Variants in ZNF697 observed in about 807,000 individuals in gnomAD.
The protein encoded by ZNF697 is zinc finger protein 697.
ZNF697 carries 23 observed loss-of-function variants against 32.4 expected under a neutral mutation model. That is an observed-to-expected ratio of 0.71 (90% CI 0.51 to 1.01). The LOEUF is 1.01. Ranked by LOEUF, ZNF697 falls within the 50% of genes least tolerant of loss-of-function variation. The pLI is 0.00. For synonymous variants in ZNF697, 418 were observed against 337.2 expected, an observed-to-expected ratio of 1.24 and a Z score of -2.62; for missense variants, 930 against 794.0, an observed-to-expected ratio of 1.17 and a Z score of -2.06.
chr1:119,630,763 G>GGGACTTT (rs1648738111), intron 1 of ZNF697, among the ~76,000 whole-genome samples: 1 of 152,174 alleles, frequency 6.6e-6, no homozygotes, highest in Non-Finnish European at 1.5e-5. Context: ...TTGGGAGGCT[G>GGGACTTT]AGGCAGGAGG....
In ZNF697 at chr1:119,623,712, GAAT is replaced by G; in HGVS notation, c.628_630del (p.Ile210del). On this transcript the variant is annotated inframe_deletion, in exon 3 of 3. Transcript: ENST00000421812. Reference sequence around the variant, plus strand: ...GCGGCAGCGGCCTCAGCCAGGCGGTGAATGCGCTGGTGCTGCAGGAAGGCGGCG... The same window carrying G: ...GCGGCAGCGGCCTCAGCCAGGCGGTGGCGCTGGTGCTGCAGGAAGGCGGCG... 1 of 1,524,202 alleles carries G rather than the reference GAAT, an allele frequency of 6.6e-7. No homozygotes were observed. The highest frequency in any genetic ancestry group is 8.8e-7 in the Non-Finnish European group (1 of 1,136,216). The allele number at this position is 1,524,202 out of a possible 1,614,324, so 94.4% of individuals were successfully genotyped here. A position where few individuals can be genotyped will look rare whatever the true frequency, so the allele number is the denominator to read the frequency against.
Position 119,623,265 on chromosome 1 carries a change from T to G in ZNF697, c.1078A>C (p.Lys360Gln), listed in dbSNP as rs1184933362. The G allele has an allele frequency of 6.5e-7, 1 of 1,532,726 alleles. No individual in the cohort carries two copies. Among genetic ancestry groups the G allele is most frequent in the Non-Finnish European group, 8.7e-7 (1 of 1,143,128 alleles). The allele number at this position is 1,532,726 out of a possible 1,614,324, so 94.9% of individuals were successfully genotyped here. A position where few individuals can be genotyped will look rare whatever the true frequency, so the allele number is the denominator to read the frequency against. The change falls in exon 3 of 3, where the codon AAG becomes CAG. Residue 360 changes from lysine (K) to glutamine (Q), a missense_variant. Physicochemically the swap from Lys to Gln is moderately conservative, Grantham distance 53. Coordinates refer to ENST00000421812, the MANE Select transcript of ZNF697 (RefSeq NM_001080470.2). ...AGGTGCGAACGGCGCACGAAGCCCT[T>G]GCCGCACTCCCCGCAGGCGAAGGGC... ...LRPFACGECG[K>Q]GFVRRSHLAN...
At chr1:119,645,080 A>G (rs749021744) in intron 1 of ZNF697, among the ~76,000 whole-genome samples, 41 of 152,230 alleles carry the variant, frequency 2.7e-4, no homozygotes, top group Non-Finnish European at 5.9e-4. Flanking sequence ...AGAGTTTAAA[A>G]TGTAGGCTGG....
intron 1 of ZNF697, among the ~76,000 whole-genome samples, chr1:119,635,396 A>C (rs1207743333): frequency 6.6e-6 from 1 of 152,220 alleles, no homozygotes; most frequent in Non-Finnish European, 1.5e-5. Context: ...AATGAGATAA[A>C]GGAATAGCTG....
chr1:119,639,658 C>G (rs1007644632), intron 1 of ZNF697, among the ~76,000 whole-genome samples: 1 of 150,696 alleles, frequency 6.6e-6, no homozygotes, highest in African/African-American at 2.4e-5. Context: ...GCCAGTGGAT[C>G]GCTTAAGCTC....
At chr1:119,624,607 A>T (rs974082797) in intron 2 of ZNF697, among the ~76,000 whole-genome samples, 1 of 152,032 alleles carries the variant, frequency 6.6e-6, no homozygotes, top group Non-Finnish European at 1.5e-5. Context: ...TTCTCTTTTT[A>T]TTTTTGAGAC....
chr1:119,631,519 C>G (rs1331017213), intron 1 of ZNF697, among the ~76,000 whole-genome samples: 2 of 152,236 alleles, frequency 1.3e-5, no homozygotes, highest in Non-Finnish European at 2.9e-5. Context: ...AGCGAAGCAG[C>G]GCGGGCCGCA....
chr1:119,625,845 C>T (rs760380584), intron 2 of ZNF697, 30 bp downstream of exon 2: 1 of 1,610,294 alleles, frequency 6.2e-7, no homozygotes, highest in South Asian at 1.1e-5. Context: ...ACTTTGGCAA[C>T]TTGCATAGAA....
rs1420355553 is a variant in ZNF697, at chr1:119,621,445, G to C, written c.*1260C>G. The C allele has an allele frequency of 1.3e-5, 2 of 152,576 alleles. No homozygotes were observed. The highest frequency in any genetic ancestry group is 4.8e-5 in the African/African-American group (2 of 41,416). 9.5% of individuals were successfully genotyped at this position (152,576 alleles called of 1,614,324 possible). ...TTGCAAATATCAAAGTGCTATTTTG[G>C]CATCTATATAACAACCAGAAAACAT... is the stretch of plus-strand genomic sequence containing the variant. On this transcript the variant is annotated 3_prime_UTR_variant, in exon 3 of 3. Coordinates refer to ENST00000421812, the MANE Select transcript of ZNF697 (RefSeq NM_001080470.2).
chr1:119,633,447 A>C (rs1648841257), intron 1 of ZNF697, among the ~76,000 whole-genome samples: 1 of 151,814 alleles, frequency 6.6e-6, no homozygotes, highest in Non-Finnish European at 1.5e-5. Context: ...GGCTCATGCC[A>C]TTATGGGGTC....
intron 1 of ZNF697, among the ~76,000 whole-genome samples, chr1:119,638,925 G>A (rs587636324): frequency 2.0e-5 from 3 of 152,244 alleles, no homozygotes; most frequent in South Asian, 4.1e-4. Flanking sequence ...ACTGACATAT[G>A]GTGTGCCCCG....
intron 1 of ZNF697, among the ~76,000 whole-genome samples, chr1:119,626,402 T>C (rs1490533748): frequency 6.6e-6 from 1 of 152,184 alleles, no homozygotes; most frequent in Non-Finnish European, 1.5e-5. Context: ...GATATGGATG[T>C]CTATTAGTGT....
chr1:119,623,699 T>G lies in ZNF697; in HGVS notation c.644A>C (p.Glu215Ala). 1 of 1,482,988 alleles carries G rather than the reference T, an allele frequency of 6.7e-7. No homozygotes were observed. The highest frequency in any genetic ancestry group is 9.0e-7 in the Non-Finnish European group (1 of 1,113,070). The allele number at this position is 1,482,988 out of a possible 1,614,324, so 91.9% of individuals were successfully genotyped here. A position where few individuals can be genotyped will look rare whatever the true frequency, so the allele number is the denominator to read the frequency against. ...CTCCAGGCTGGCGGCGGCAGCGGCC[T>G]CAGCCAGGCGGTGAATGCGCTGGTG... ...LQHQRIHRLA[E>A]AAAAASLEPF... The change falls in exon 3 of 3, where the codon GAG becomes GCG. Residue 215 changes from glutamate to alanine, a missense_variant. Physicochemically the swap from Glu to Ala is moderately radical, Grantham distance 107. Coordinates refer to ENST00000421812, the MANE Select transcript of ZNF697 (RefSeq NM_001080470.2).
chr1:119,627,898 T>G (rs1648642380), intron 1 of ZNF697, among the ~76,000 whole-genome samples: 1 of 152,134 alleles, frequency 6.6e-6, no homozygotes, highest in Non-Finnish European at 1.5e-5. Context: ...TGACCCCAAA[T>G]CACTTCTGCC....
intron 1 of ZNF697, among the ~76,000 whole-genome samples, chr1:119,628,945 T>C (rs1172821183): frequency 6.6e-6 from 1 of 152,240 alleles, no homozygotes; most frequent in Non-Finnish European, 1.5e-5. Context: ...AACTTCTCAG[T>C]CACTTTGGGG....
At chr1:119,634,859 T>C (rs1296373851) in intron 1 of ZNF697, among the ~76,000 whole-genome samples, 1 of 152,238 alleles carries the variant, frequency 6.6e-6, no homozygotes, top group East Asian at 1.9e-4. Context: ...AATTAGATAT[T>C]TGATATCAAG....
rs1255926154 is a variant in ZNF697 at position 119,648,108 on chromosome 1, G to C, written c.-455C>G. Among the ~76,000 whole-genome samples, 1 of 152,112 alleles carries C rather than the reference G, an allele frequency of 6.6e-6. No individual in the cohort carries two copies. The highest frequency in any genetic ancestry group is 1.5e-5 in the Non-Finnish European group (1 of 68,000). On this transcript the variant is annotated 5_prime_UTR_variant, in exon 1 of 3. Transcript: ENST00000421812. ...TGGCGCGGCGAGGAGCTAGGGCACC[G>C]AGCGCCCCGGCCCGAGCCCCGCACC...
At chr1:119,637,777 C>A (rs1203371590) in intron 1 of ZNF697, among the ~76,000 whole-genome samples, 1 of 152,030 alleles carries the variant, frequency 6.6e-6, no homozygotes, top group Non-Finnish European at 1.5e-5. Flanking sequence ...GTTTTGGATT[C>A]TCTGCTGTTT....
chr1:119,647,183 T>C (rs1215240756), intron 1 of ZNF697, among the ~76,000 whole-genome samples: 1 of 152,040 alleles, frequency 6.6e-6, no homozygotes, highest in Non-Finnish European at 1.5e-5. Flanking sequence ...ATAATGTACA[T>C]TGGCCATAAG....
Sources: gnomAD v4.1 joint callset for allele counts (sites outside exome capture counted in the v4.1 genomes callset) on GRCh38, gnomAD v4.1.1 for gene constraint, MANE v1.5 for transcripts, NCBI Gene and HGNC (gene_info 2026-07-23, HGNC 2026-07-21) for gene names.